The following TDRD9 variants were observed in gnomAD, a reference collection of about 807,000 sequenced individuals.
TDRD9 encodes the protein ATP-dependent RNA helicase TDRD9.
Under a neutral mutation model 172.6 loss-of-function variants are expected in TDRD9, and 124 were observed. The ratio of observed to expected loss-of-function variants is 0.72; its 90% confidence interval spans 0.62 to 0.83. TDRD9 has a LOEUF of 0.83. TDRD9 is among the 40% of genes least tolerant of loss of function. The probability of loss-of-function intolerance (pLI) is 0.00; values close to 1 mark genes in which losing one functional copy is unlikely to be tolerated. For synonymous variants in TDRD9, 619 were observed against 617.1 expected (o/e 1.00, Z -0.05); for missense variants, 1,479 against 1,714.1 (o/e 0.86, Z 2.42).
rs948787562 is a variant in TDRD9, at chr14:104,008,367, A to C, written c.2053-46A>C. ...TATTAAAGTAGCTAAATTCAGCTCTAATTTATTACCTTAATATTGAGTATT... is the reference window on the plus strand; with the variant it reads ...TATTAAAGTAGCTAAATTCAGCTCTCATTTATTACCTTAATATTGAGTATT... On this transcript the variant is annotated intron_variant, in intron 19 of 35. Coordinates refer to ENST00000409874, the MANE Select transcript of TDRD9 (RefSeq NM_153046.3). The C allele has an allele frequency of 2.7e-6, 3 of 1,126,610 alleles. No homozygotes were observed. In the African/African-American group the frequency reaches 4.7e-5, roughly 18 times the overall value. The allele number at this position is 1,126,610 out of a possible 1,614,324, so 69.8% of individuals were successfully genotyped here.
intron 6 of TDRD9, among the ~76,000 whole-genome samples, chr14:103,971,485 G>C (rs897228010): frequency 5.9e-5 from 9 of 151,618 alleles, no homozygotes; most frequent in African/African-American, 2.2e-4. Flanking sequence ...TTTTTTTGTA[G>C]TTTTTGGTAT....
chr14:103,984,936 A>G (rs1342815454), intron 7 of TDRD9, among the ~76,000 whole-genome samples: 1 of 152,212 alleles, frequency 6.6e-6, no homozygotes, highest in East Asian at 1.9e-4. Flanking sequence ...GATGTGAGAC[A>G]TAGAGTCAAA....
intron 33 of TDRD9, 122 bp downstream of exon 33, chr14:104,040,456 A>T: frequency 9.1e-7 from 1 of 1,095,994 alleles, no homozygotes; most frequent in East Asian, 3.0e-5. Context: ...GGTCCTGGAG[A>T]TGTGCACGTT....
chr14:104,017,556 C>T (rs530184723), intron 22 of TDRD9, among the ~76,000 whole-genome samples: 86 of 152,294 alleles, frequency 5.6e-4, no homozygotes, highest in African/African-American at 1.9e-3. Context: ...TGCAGAGCTG[C>T]GCTGGCACAG....
intron 2 of TDRD9, among the ~76,000 whole-genome samples, chr14:103,957,861 T>C (rs2032321653): frequency 6.6e-6 from 1 of 152,240 alleles, no homozygotes; most frequent in Non-Finnish European, 1.5e-5. Flanking sequence ...AGATTACAAA[T>C]GAATGCCTGA....
chr14:103,962,969 T>TGG (rs990064500), intron 2 of TDRD9, 110 bp from the exon 3 acceptor site: 1 of 576,476 alleles, frequency 1.7e-6, no homozygotes, highest in Admixed American at 3.5e-5. Context: ...TATTTGAGTG[T>TGG]GTGTGTGTGT....
intron 13 of TDRD9, among the ~76,000 whole-genome samples, chr14:104,000,568 T>A (rs2034226982): frequency 6.6e-6 from 1 of 152,126 alleles, no homozygotes; most frequent in Admixed American, 6.6e-5. Context: ...GTGGATCATT[T>A]GAGGTCAGGA....
At chr14:103,940,749 A>T in intron 1 of TDRD9, 4 of 1,182,590 alleles carry the variant, frequency 3.4e-6, no homozygotes, top group Admixed American at 4.8e-5. Flanking sequence ...ACTTTTTCTT[A>T]TTCTTAATAT....
chr14:103,932,746 T>C (rs899354282), intron 1 of TDRD9, among the ~76,000 whole-genome samples: 2 of 152,110 alleles, frequency 1.3e-5, no homozygotes, highest in Admixed American at 1.3e-4. Flanking sequence ...TTGTTAGAGA[T>C]AGTCACTCAA....
chr14:104,034,939 G>A, intron 31 of TDRD9, 21 bp from the exon 32 acceptor site: 1 of 1,544,052 alleles, frequency 6.5e-7, no homozygotes, highest in East Asian at 2.4e-5. Context: ...GCCCGATGTT[G>A]ATTTAGCATG....
intron 6 of TDRD9, among the ~76,000 whole-genome samples, chr14:103,971,638 T>C (rs964703832): frequency 6.6e-6 from 1 of 152,138 alleles, no homozygotes; most frequent in African/African-American, 2.4e-5. Flanking sequence ...CATTTGAAAC[T>C]GATGACGCTT....
Position 104,007,182 on chromosome 14 carries a change from CA to C in TDRD9, c.2031del (p.Glu679SerfsTer14). On this transcript the variant is annotated frameshift_variant, in exon 19 of 36. Coordinates refer to ENST00000409874, the MANE Select transcript of TDRD9 (RefSeq NM_153046.3). LOFTEE classifies it high-confidence loss of function. ...CAGACATGGAAGGCTTGCAGACAGACAGGGGAGCTGCGGTACCCGAAGGTTG... is the reference window on the plus strand; with the variant it reads ...CAGACATGGAAGGCTTGCAGACAGACGGGGAGCTGCGGTACCCGAAGGTTG... ...AFKTWKACRQ[T>X]GELRYPKDEL... 1 of 1,613,920 alleles carries C rather than the reference CA, an allele frequency of 6.2e-7. No individual in the cohort carries two copies. Among genetic ancestry groups the C allele is most frequent in the Non-Finnish European group, 8.5e-7 (1 of 1,179,864 alleles).
intron 1 of TDRD9, chr14:103,940,303 C>T (rs1333243029): frequency 3.9e-5 from 6 of 152,854 alleles, no homozygotes; most frequent in African/African-American, 1.4e-4. Context: ...TGGGTTAAAG[C>T]CCTGCTTCAT....
chr14:103,930,431 C>T (rs1467456135), intron 1 of TDRD9, among the ~76,000 whole-genome samples: 1 of 152,224 alleles, frequency 6.6e-6, no homozygotes, highest in Non-Finnish European at 1.5e-5. Context: ...CCATGTCGGC[C>T]TCCCAAAGTG....
intron 30 of TDRD9, among the ~76,000 whole-genome samples, chr14:104,032,679 A>G (rs553886259): frequency 2.3e-4 from 35 of 152,296 alleles, no homozygotes; most frequent in South Asian, 1.5e-3. Flanking sequence ...GTGAGAGCCC[A>G]CTGTATGCCA....
intron 23 of TDRD9, among the ~76,000 whole-genome samples, chr14:104,021,239 AG>A (rs2034944371): frequency 6.6e-6 from 1 of 152,272 alleles, no homozygotes; most frequent in South Asian, 2.1e-4. Flanking sequence ...AAGAACAGCA[AG>A]GGGGAAATCG....
At chr14:104,007,934 C>T (rs1430067007) in intron 19 of TDRD9, among the ~76,000 whole-genome samples, 1 of 152,104 alleles carries the variant, frequency 6.6e-6, no homozygotes, top group Admixed American at 6.5e-5. Flanking sequence ...CCCGCCACCA[C>T]ACCCAGCTAC....
At chr14:104,047,209 T>C (rs944553103) in intron 34 of TDRD9, among the ~76,000 whole-genome samples, 3 of 152,258 alleles carry the variant, frequency 2.0e-5, no homozygotes, top group East Asian at 3.8e-4. Flanking sequence ...TCTTGCACTT[T>C]AGTTGTTTCT....
At chr14:104,018,293 T>C in intron 23 of TDRD9, 101 bp downstream of exon 23, 2 of 733,300 alleles carry the variant, frequency 2.7e-6, no homozygotes, top group Non-Finnish European at 4.5e-6. Flanking sequence ...TGGAAATGGG[T>C]CCTCCTATGG....
Sources: gnomAD v4.1 joint callset for allele counts (sites outside exome capture counted in the v4.1 genomes callset) on GRCh38, gnomAD v4.1.1 for gene constraint, MANE v1.5 for transcripts, NCBI Gene and HGNC (gene_info 2026-07-23, HGNC 2026-07-21) for gene names.